ANKS1B: variants seen among roughly 807,000 people sequenced by gnomAD.
ANKS1B encodes the protein ankyrin repeat and sterile alpha motif domain-containing protein 1B.
A neutral mutation model predicts 148.3 loss-of-function variants in ANKS1B; 36 were observed. The observed-to-expected ratio is 0.24, with a 90% CI of 0.19 to 0.32. The LOEUF (loss-of-function observed/expected upper bound fraction) is 0.32, where lower values mean the gene tolerates loss of function less well. ANKS1B is among the 10% of genes least tolerant of loss of function. The pLI, the probability that ANKS1B is intolerant of heterozygous loss-of-function variation, is 1.00. For missense variants in ANKS1B, 1,157 were observed against 1,542.6 expected, an observed-to-expected ratio of 0.75 and a Z score of 4.19; for synonymous variants, 542 against 560.8, an observed-to-expected ratio of 0.97 and a Z score of 0.47.
At chr12:99,721,819 T>C (rs1242108480) in intron 8 of ANKS1B, among the ~76,000 whole-genome samples, 2 of 152,238 alleles carry the variant, frequency 1.3e-5, no homozygotes, top group African/African-American at 4.8e-5. Flanking sequence ...AAATGCATTA[T>C]GTAAGAAATA....
At chr12:99,549,909 G>A (rs1156622311) in intron 9 of ANKS1B, among the ~76,000 whole-genome samples, 1 of 152,156 alleles carries the variant, frequency 6.6e-6, no homozygotes, top group African/African-American at 2.4e-5. Context: ...TCCCTTTTCA[G>A]CAGCTAACCT....
At chr12:99,944,112 T>G (rs903292968) in intron 1 of ANKS1B, among the ~76,000 whole-genome samples, 16 of 152,136 alleles carry the variant, frequency 1.1e-4, no homozygotes. Flanking sequence ...CAAGAGATCT[T>G]AGCAGCCTGG....
At chr12:99,883,338 A>C (rs111520425) in intron 1 of ANKS1B, among the ~76,000 whole-genome samples, 9 of 151,870 alleles carry the variant, frequency 5.9e-5, no homozygotes, top group East Asian at 3.9e-4. Context: ...TCGAAGCAAA[A>C]AAACAAACAA....
intron 1 of ANKS1B, among the ~76,000 whole-genome samples, chr12:99,958,457 A>G (rs532784497): frequency 4.9e-4 from 75 of 152,234 alleles, no homozygotes; most frequent in Admixed American, 8.5e-4. Flanking sequence ...ATCTCAGCTC[A>G]CTACAGCCTC....
chr12:98,785,303 C>G (rs59780153), intron 22 of ANKS1B, among the ~76,000 whole-genome samples: 4,476 of 152,144 alleles, frequency 0.029, 118 homozygotes, highest in East Asian at 0.12. Context: ...AACCCCGTCT[C>G]TACTAAAAAT....
chr12:99,842,201 C>T (rs957170344), intron 1 of ANKS1B, among the ~76,000 whole-genome samples: 15 of 151,878 alleles, frequency 9.9e-5, no homozygotes, highest in Admixed American at 6.6e-4. Context: ...TTTTTGTGTC[C>T]TTTTTACTCT....
In ANKS1B at chr12:99,828,835, T is replaced by A. The variant is rs774762101; in HGVS notation, c.135-3446A>T. 4.5e-4 allele frequency among the ~76,000 whole-genome samples: 69 copies of A among 151,808 alleles called. No homozygotes were observed. The Middle Eastern group carries it at 0.01, about 23-fold the overall frequency. ...CCATCTCTACCAAAAATACAAAAAT[T>A]AGCCAGGTGTGGTGGCGCACGCCTG... On this transcript the variant is annotated intron_variant, in intron 1 of 26. Transcript: ENST00000683438.
intron 4 of ANKS1B, among the ~76,000 whole-genome samples, chr12:99,783,228 G>A (rs1179992482): frequency 6.6e-6 from 1 of 150,780 alleles, no homozygotes; most frequent in Non-Finnish European, 1.5e-5. Flanking sequence ...AAAAGAAAAT[G>A]CATTTAAACA....
intron 10 of ANKS1B, among the ~76,000 whole-genome samples, chr12:99,479,416 C>G (rs2096375142): frequency 6.6e-6 from 1 of 151,902 alleles, no homozygotes; most frequent in Admixed American, 6.6e-5. Flanking sequence ...CTAAATTTAT[C>G]AACATTAATA....
At chr12:99,961,800 T>C (rs1210178442) in intron 1 of ANKS1B, among the ~76,000 whole-genome samples, 2 of 152,182 alleles carry the variant, frequency 1.3e-5, no homozygotes, top group East Asian at 1.9e-4. Flanking sequence ...CAGGAACAAA[T>C]AGGATAGGTA....
intron 1 of ANKS1B, among the ~76,000 whole-genome samples, chr12:99,848,573 T>C (rs1404068378): frequency 6.6e-6 from 1 of 152,118 alleles, no homozygotes. Flanking sequence ...ATCTATATAG[T>C]CCCTTGATTT....
At chr12:98,886,947 G>GA (rs2099741495) in intron 17 of ANKS1B, among the ~76,000 whole-genome samples, 1 of 151,856 alleles carries the variant, frequency 6.6e-6, no homozygotes, top group African/African-American at 2.4e-5. Flanking sequence ...GGTCTTTCTC[G>GA]AAAAAAAGAA....
chr12:99,962,803 T>C (rs2153832467), intron 1 of ANKS1B, among the ~76,000 whole-genome samples: 1 of 151,584 alleles, frequency 6.6e-6, no homozygotes, highest in African/African-American at 2.4e-5. Context: ...TGATCAGTGA[T>C]GTTGAGCTTT....
Position 99,490,807 on chromosome 12 carries a change from A to G in ANKS1B, c.1438+13669T>C, listed in dbSNP as rs1348447683. 2.6e-5 allele frequency among the ~76,000 whole-genome samples: 4 copies of G among 152,238 alleles called. No individual in the cohort carries two copies. In the East Asian group the frequency reaches 7.7e-4, roughly 29 times the overall value. Reference sequence around the variant, plus strand: ...ACAGAACTAGTAGTCTTCATATAATACTAAATGAAAAGAAAATGAATTAGT... The same window carrying G: ...ACAGAACTAGTAGTCTTCATATAATGCTAAATGAAAAGAAAATGAATTAGT... On this transcript the variant is annotated intron_variant, in intron 10 of 26. Coordinates refer to ENST00000683438, the MANE Select transcript of ANKS1B (RefSeq NM_001352186.2).
At chr12:99,265,464 A>G (rs1602216292) in intron 12 of ANKS1B, among the ~76,000 whole-genome samples, 1 of 152,180 alleles carries the variant, frequency 6.6e-6, no homozygotes, top group East Asian at 1.9e-4. Context: ...GGGTGGGCCC[A>G]GCAATCTCTG....
intron 15 of ANKS1B, among the ~76,000 whole-genome samples, chr12:99,110,792 C>G (rs757100149): frequency 6.6e-6 from 1 of 152,078 alleles, no homozygotes; most frequent in African/African-American, 2.4e-5. Context: ...TGTTTGATAA[C>G]TTCCTGTAAC....
chr12:99,579,891 T>A (rs1455449790), intron 9 of ANKS1B, among the ~76,000 whole-genome samples: 1 of 151,754 alleles, frequency 6.6e-6, no homozygotes, highest in Non-Finnish European at 1.5e-5. Context: ...CAAAAAAAAA[T>A]GTACACTCAT....
intron 12 of ANKS1B, among the ~76,000 whole-genome samples, chr12:99,326,389 C>T (rs2086301369): frequency 6.6e-6 from 1 of 152,062 alleles, no homozygotes; most frequent in South Asian, 2.1e-4. Flanking sequence ...GAGAGTACTC[C>T]TCCACCACAA....
At chr12:98,784,753 G>C (rs562583687) in intron 22 of ANKS1B, among the ~76,000 whole-genome samples, 1 of 152,102 alleles carries the variant, frequency 6.6e-6, no homozygotes, top group Non-Finnish European at 1.5e-5. Flanking sequence ...TCAGATGCTC[G>C]GCCAAGTTGA....
Sources: gnomAD v4.1 joint callset for allele counts (sites outside exome capture counted in the v4.1 genomes callset) on GRCh38, gnomAD v4.1.1 for gene constraint, MANE v1.5 for transcripts, NCBI Gene and HGNC (gene_info 2026-07-23, HGNC 2026-07-21) for gene names.